The following ARHGAP26 variants were observed in gnomAD, a reference collection of about 807,000 sequenced individuals.
ARHGAP26 encodes the protein rho GTPase-activating protein 26.
A neutral mutation model predicts 104.8 loss-of-function variants in ARHGAP26; 38 were observed. The observed-to-expected ratio is 0.36, with a 90% CI of 0.28 to 0.48. ARHGAP26 has a LOEUF of 0.48. Ranked by LOEUF, ARHGAP26 falls within the 20% of genes least tolerant of loss-of-function variation. The pLI is 0.99. For synonymous variants in ARHGAP26, 341 were observed against 340.0 expected, an observed-to-expected ratio of 1.00 and a Z score of -0.03; for missense variants, 704 against 947.9, an observed-to-expected ratio of 0.74 and a Z score of 3.38.
At chr5:142,810,749 G>C (rs1340121947) in intron 1 of ARHGAP26, among the ~76,000 whole-genome samples, 1 of 152,200 alleles carries the variant, frequency 6.6e-6, no homozygotes, top group Non-Finnish European at 1.5e-5. Flanking sequence ...TGTTCTTTAA[G>C]TGGGAGTGCT....
At chr5:143,133,869 T>C in intron 18 of ARHGAP26, 98 bp from the exon 19 acceptor site, 1 of 1,261,944 alleles carries the variant, frequency 7.9e-7, no homozygotes, top group Non-Finnish European at 1.1e-6. Context: ...TTCTTGCTAA[T>C]TCCAAGACAC....
At chr5:142,987,402 G>T (rs550328705) in intron 11 of ARHGAP26, among the ~76,000 whole-genome samples, 3 of 150,648 alleles carry the variant, frequency 2.0e-5, no homozygotes, top group Non-Finnish European at 3.0e-5. Context: ...TGGGCTGAGA[G>T]GATGGGGTTT....
chr5:142,811,016 C>G (rs1369466991), intron 1 of ARHGAP26, among the ~76,000 whole-genome samples: 2 of 152,208 alleles, frequency 1.3e-5, no homozygotes, highest in South Asian at 2.1e-4. Flanking sequence ...ATCTCCCTCT[C>G]CCACACTAAA....
Position 142,908,376 on chromosome 5 carries a change from A to G in ARHGAP26, c.933+572A>G, listed in dbSNP as rs1307863524. ...TAGAGCTAGAACAAGGAGGGTCTGAAGCAGCTCAAGCTGGCCAGATACAGC... is the reference window on the plus strand; with the variant it reads ...TAGAGCTAGAACAAGGAGGGTCTGAGGCAGCTCAAGCTGGCCAGATACAGC... On this transcript the variant is annotated intron_variant, in intron 9 of 22. Coordinates refer to ENST00000645722, the MANE Select transcript of ARHGAP26 (RefSeq NM_001135608.3). Among the ~76,000 whole-genome samples, 5 of 152,204 alleles carry G rather than the reference A, an allele frequency of 3.3e-5. No homozygotes were observed. In the East Asian group the frequency reaches 5.8e-4, roughly 18 times the overall value.
At chr5:142,986,189 G>C (rs1431778839) in intron 11 of ARHGAP26, among the ~76,000 whole-genome samples, 2 of 152,016 alleles carry the variant, frequency 1.3e-5, no homozygotes, top group East Asian at 3.9e-4. Flanking sequence ...ACTTTTTAAT[G>C]ATCGCCATTC....
chr5:142,786,902 C>T (rs1053672867), intron 1 of ARHGAP26, among the ~76,000 whole-genome samples: 1 of 152,106 alleles, frequency 6.6e-6, no homozygotes, highest in Non-Finnish European at 1.5e-5. Flanking sequence ...GCCTTGGCCT[C>T]CCAAAGTGCT....
chr5:142,823,694 T>G (rs1160424079), intron 1 of ARHGAP26, among the ~76,000 whole-genome samples: 1 of 152,226 alleles, frequency 6.6e-6, no homozygotes, highest in African/African-American at 2.4e-5. Flanking sequence ...TAGATTTTGC[T>G]AAAAATCAGT....
chr5:142,963,198 A>ATGTGTGTGTGTGTGTGTGTGTG lies in ARHGAP26; in HGVS notation c.1107+31074_1107+31095dup, dbSNP rs1217350223. Among the ~76,000 whole-genome samples the ATGTGTGTGTGTGTGTGTGTGTG allele has an allele frequency of 3.5e-4, 34 of 98,290 alleles. 1 individual carries two copies. The highest frequency in any genetic ancestry group is 2.8e-3 in the East Asian group (3 of 1,060). The allele number at this position is 98,290 out of a possible 152,430, so 64.5% of individuals were successfully genotyped here. On this transcript the variant is annotated intron_variant, in intron 11 of 22. Coordinates refer to ENST00000645722, the MANE Select transcript of ARHGAP26 (RefSeq NM_001135608.3). ...TATATATATATATATATATATATAT[A>ATGTGTGTGTGTGTGTGTGTGTG]TGTGTGTGTGTGTGTGTGTGTGCGC...
At chr5:142,999,704 G>A (rs1232654861) in intron 11 of ARHGAP26, among the ~76,000 whole-genome samples, 3 of 152,044 alleles carry the variant, frequency 2.0e-5, no homozygotes, top group Non-Finnish European at 4.4e-5. Context: ...AAATCTATGC[G>A]ATCTGGGATT....
chr5:142,961,553 G>A (rs930549043), intron 11 of ARHGAP26, among the ~76,000 whole-genome samples: 6 of 152,230 alleles, frequency 3.9e-5, no homozygotes, highest in Non-Finnish European at 7.4e-5. Context: ...GAAAATCATG[G>A]CATAATAGGG....
chr5:142,892,989 C>CCTTTT (rs753481588), intron 5 of ARHGAP26, among the ~76,000 whole-genome samples: 9 of 108,018 alleles, frequency 8.3e-5, no homozygotes, highest in Admixed American at 2.0e-4. Flanking sequence ...CACCCCCCCG[C>CCTTTT]TTTTTTTTTT....
intron 20 of ARHGAP26, chr5:143,192,550 T>C (rs763002141): frequency 2.0e-5 from 3 of 152,272 alleles, no homozygotes; most frequent in African/African-American, 2.4e-5. Flanking sequence ...GTTTTGCCTC[T>C]TGGCCTGCAA....
intron 17 of ARHGAP26, among the ~76,000 whole-genome samples, chr5:143,083,939 TA>T (rs1790181412): frequency 2.0e-5 from 3 of 152,368 alleles, no homozygotes; most frequent in African/African-American, 7.2e-5. Context: ...TCATAAAAAT[TA>T]AGGCATGATT....
intron 20 of ARHGAP26, among the ~76,000 whole-genome samples, chr5:143,151,579 T>C (rs184380106): frequency 1.4e-4 from 21 of 152,318 alleles, no homozygotes; most frequent in Admixed American, 1.3e-3. Flanking sequence ...CAGACAATGC[T>C]ATATTATTCA....
chr5:142,900,076 G>C (rs1382195339), intron 6 of ARHGAP26, among the ~76,000 whole-genome samples: 4 of 152,324 alleles, frequency 2.6e-5, no homozygotes, highest in African/African-American at 7.2e-5. Flanking sequence ...AGGCGATGGG[G>C]CAGGGCATTT....
At chr5:142,890,151 A>ATATATATATAT (rs1554140735) in intron 5 of ARHGAP26, among the ~76,000 whole-genome samples, 7 of 32,420 alleles carry the variant, frequency 2.2e-4, no homozygotes, top group Admixed American at 4.9e-4. Context: ...AAAAAAAAAA[A>ATATATATATAT]ATATATATAT....
rs539060928 is a variant in ARHGAP26, at chr5:143,172,313, A to G, written c.1988+24932A>G. ...CTTGTTACTCTTTAAAAAAAAAAATACATGTACAGTTGAGTAAAATGAGAA... is the reference window on the plus strand; with the variant it reads ...CTTGTTACTCTTTAAAAAAAAAAATGCATGTACAGTTGAGTAAAATGAGAA... On this transcript the variant is annotated intron_variant, in intron 20 of 22. Coordinates refer to ENST00000645722, the MANE Select transcript of ARHGAP26 (RefSeq NM_001135608.3). 7.2e-5 allele frequency among the ~76,000 whole-genome samples: 11 copies of G among 152,286 alleles called. No homozygotes were observed. The South Asian group carries it at 1.2e-3, about 17-fold the overall frequency.
intron 17 of ARHGAP26, among the ~76,000 whole-genome samples, chr5:143,116,726 CAG>C (rs1384220037): frequency 6.6e-6 from 1 of 152,222 alleles, no homozygotes; most frequent in Non-Finnish European, 1.5e-5. Context: ...CAGACCAAAA[CAG>C]AGTCTCCATC....
intron 17 of ARHGAP26, among the ~76,000 whole-genome samples, chr5:143,087,662 T>TTTTTTTTG (rs1790797248): frequency 7.8e-5 from 11 of 141,632 alleles, no homozygotes; most frequent in Non-Finnish European, 1.1e-4. Context: ...TTTTTTTTTT[T>TTTTTTTTG]GAGACGGAGT....
Sources: gnomAD v4.1 joint callset for allele counts (sites outside exome capture counted in the v4.1 genomes callset) on GRCh38, gnomAD v4.1.1 for gene constraint, MANE v1.5 for transcripts, NCBI Gene and HGNC (gene_info 2026-07-23, HGNC 2026-07-21) for gene names.